Variants in MRPL52 observed in about 807,000 individuals in gnomAD.
The protein encoded by MRPL52 is large ribosomal subunit protein mL52.
A neutral mutation model predicts 22.1 loss-of-function variants in MRPL52; 19 were observed. That is an observed-to-expected ratio of 0.86 (90% CI 0.60 to 1.26). The LOEUF is 1.26. Among genes scored for constraint, MRPL52 ranks in the 50% most tolerant of loss-of-function variants. The probability of loss-of-function intolerance (pLI) is 0.00; values close to 1 mark genes in which losing one functional copy is unlikely to be tolerated. For synonymous variants in MRPL52, 50 were observed against 57.5 expected (o/e 0.87, Z 0.59); for missense variants, 152 against 148.1 (o/e 1.03, Z -0.14).
In MRPL52 at chr14:22,834,811, G is replaced by A; in HGVS notation, c.*490G>A. 1 of 151,698 alleles carries A rather than the reference G, an allele frequency of 6.6e-6. No individual in the cohort carries two copies. The highest frequency in any genetic ancestry group is 6.6e-5 in the Admixed American group (1 of 15,162). 9.4% of individuals were successfully genotyped at this position (151,698 alleles called of 1,614,324 possible). A position where few individuals can be genotyped will look rare whatever the true frequency, so the allele number is the denominator to read the frequency against. On this transcript the variant is annotated 3_prime_UTR_variant, in exon 5 of 5. Transcript: ENST00000397496. Reference sequence around the variant, plus strand: ...TGCAGTGAGCCAAGGTCACACCATTGCACTCCAACCTGGGCGACAGGGCGA... The same window carrying A: ...TGCAGTGAGCCAAGGTCACACCATTACACTCCAACCTGGGCGACAGGGCGA...
In MRPL52 at chr14:22,834,281, C is replaced by T; in HGVS notation, c.329C>T (p.Pro110Leu). The change falls in exon 5 of 5, where the codon CCC becomes CTC. Residue 110 changes from proline (P) to leucine (L), a missense_variant. Pro to Leu is a moderately conservative substitution (Grantham distance 98, BLOSUM62 -3). Transcript: ENST00000397496. Reference protein sequence around the residue: ...EQRKQENALKPKGASLKSPLP... With the variant: ...EQRKQENALKLKGASLKSPLP... ...AGGAAGCAGGAAAATGCTCTTAAAC[C>T]CAAAGGGGCTTCACTGAAGAGCCCA... The T allele has an allele frequency of 2.5e-6, 4 of 1,614,016 alleles. No homozygotes were observed. The highest frequency in any genetic ancestry group is 3.4e-6 in the Non-Finnish European group (4 of 1,180,000).
At position 22,834,047 on chromosome 14, in the gene MRPL52, C is replaced by T. The variant is rs142781875; in HGVS notation, c.220-125C>T. 168 of 1,071,858 alleles carry T rather than the reference C, an allele frequency of 1.6e-4. 1 individual carries two copies. In the Middle Eastern group the frequency reaches 2.0e-3, roughly 13 times the overall value. 66.4% of individuals were successfully genotyped at this position (1,071,858 alleles called of 1,614,324 possible). A position where few individuals can be genotyped will look rare whatever the true frequency, so the allele number is the denominator to read the frequency against. ...TCCCTCTGCTTCCCAAGCCAGAACTCGCTCCCACTGGGGAGTCAGCAGCGT... is the reference window on the plus strand; with the variant it reads ...TCCCTCTGCTTCCCAAGCCAGAACTTGCTCCCACTGGGGAGTCAGCAGCGT... On this transcript the variant is annotated intron_variant, in intron 4 of 4. Coordinates refer to ENST00000397496, the MANE Select transcript of MRPL52 (RefSeq NM_180982.3).
intron 3 of MRPL52, 177 bp downstream of exon 3, chr14:22,830,431 C>T: frequency 1.5e-6 from 1 of 653,492 alleles, no homozygotes; most frequent in East Asian, 2.7e-5. Context: ...TGCATTTCGA[C>T]TAAGGAAGGT....
At chr14:22,834,055 C>A (rs776793098) in intron 4 of MRPL52, 117 bp from the exon 5 acceptor site, 4 of 1,195,810 alleles carry the variant, frequency 3.3e-6, no homozygotes, top group Non-Finnish European at 3.5e-6. Context: ...CTCGCTCCCA[C>A]TGGGGAGTCA....
At chr14:22,833,628 T>C in intron 4 of MRPL52, 146 bp downstream of exon 4, 1 of 623,578 alleles carries the variant, frequency 1.6e-6, no homozygotes, top group Non-Finnish European at 2.8e-6. Flanking sequence ...TTTGTTTTTG[T>C]TTTTGTTTTT....
In MRPL52 at chr14:22,832,533, G is replaced by C. The variant is rs537155874; in HGVS notation, c.155-885G>C. 2.0e-4 allele frequency among the ~76,000 whole-genome samples: 30 copies of C among 151,932 alleles called. No homozygotes were observed. The South Asian group carries it at 6.0e-3, about 31-fold the overall frequency. ...TTTTTTGTATTTTTAGTAGAGACAG[G>C]GTTTCACCGTGTTAGCCAGGATGGT... On this transcript the variant is annotated intron_variant, in intron 3 of 4. Coordinates refer to ENST00000397496, the MANE Select transcript of MRPL52 (RefSeq NM_180982.3).
intron 3 of MRPL52, among the ~76,000 whole-genome samples, chr14:22,832,819 C>T (rs1398343152): frequency 2.6e-5 from 4 of 151,830 alleles, no homozygotes; most frequent in East Asian, 1.9e-4. Context: ...GCGGAAGTTG[C>T]GGTGAGCTGA....
At position 22,833,448 on chromosome 14, in the gene MRPL52, A is replaced by G; in HGVS notation, c.185A>G (p.Gln62Arg). 6.2e-7 allele frequency: 1 copy of G among 1,613,982 alleles called. No individual in the cohort carries two copies. The highest frequency in any genetic ancestry group is 8.5e-7 in the Non-Finnish European group (1 of 1,179,824). Residue 62 changes from glutamine (Q) to arginine (R), a missense_variant, in exon 4 of 5, where the codon CAG (glutamine) becomes CGG (arginine). By Grantham distance (43) the Gln-to-Arg change is conservative. Coordinates refer to ENST00000397496, the MANE Select transcript of MRPL52 (RefSeq NM_180982.3). ...CGCCCTGCTCCCCCAATGAAAGGCC[A>G]GCTTCGAAGAAAAGCTGAAAGGGAG... ...DGRPAPPMKGQLRRKAERETF... is the reference protein window; with the variant it reads ...DGRPAPPMKGRLRRKAERETF...
chr14:22,834,067 C>A, intron 4 of MRPL52, 105 bp from the exon 5 acceptor site: 1 of 1,315,724 alleles, frequency 7.6e-7, no homozygotes, highest in Non-Finnish European at 1.0e-6. Context: ...GGGGAGTCAG[C>A]AGCGTCATTT....
At position 22,830,289 on chromosome 14, in the gene MRPL52, A is replaced by C. The variant is rs376726875; in HGVS notation, c.154+35A>C. The C allele has an allele frequency of 5.3e-5, 85 of 1,611,620 alleles. 1 individual carries two copies. The highest frequency in any genetic ancestry group is 7.1e-5 in the Non-Finnish European group (84 of 1,177,924). ...GATCTGGCAGTTAACTCCACTGGGG[A>C]GATTTTCACCTAGAGGGAACGCCCC... On this transcript the variant is annotated intron_variant, in intron 3 of 4. Transcript: ENST00000397496.
chr14:22,833,613 T>C, intron 4 of MRPL52, 131 bp downstream of exon 4: 1 of 649,808 alleles, frequency 1.5e-6, no homozygotes. Context: ...CAGCCAAAGG[T>C]TTTTTTTGTT....
intron 3 of MRPL52, chr14:22,831,101 G>C: frequency 4.3e-6 from 1 of 231,122 alleles, no homozygotes; most frequent in Admixed American, 7.6e-5. Context: ...AATTACATAT[G>C]ACTGCTTTTT....
intron 3 of MRPL52, 178 bp from the exon 4 acceptor site, chr14:22,833,240 G>A (rs908465766): frequency 6.9e-6 from 4 of 583,414 alleles, no homozygotes; most frequent in Non-Finnish European, 1.2e-5. Context: ...CTTATTCTGG[G>A]TTATCGTACC....
At chr14:22,830,468 G>A (rs1404034085) in intron 3 of MRPL52, 4 of 594,748 alleles carry the variant, frequency 6.7e-6, no homozygotes, top group Non-Finnish European at 1.2e-5. Flanking sequence ...TTGGCTTGTG[G>A]AGATAAGCAG....
chr14:22,831,551 T>G (rs1302864185), intron 3 of MRPL52: 1 of 152,404 alleles, frequency 6.6e-6, no homozygotes, highest in East Asian at 1.9e-4. Flanking sequence ...AAGGATAAAA[T>G]GAAACAACCA....
rs757364045 is a variant in MRPL52, at chr14:22,830,250, T to C, written c.150T>C (p.Tyr50=). 6 of 1,614,246 alleles carry C rather than the reference T, an allele frequency of 3.7e-6. No individual in the cohort carries two copies. The highest frequency in any genetic ancestry group is 1.1e-5 in the South Asian group (1 of 91,082). ...TTACCGAGCTCCCAGACTGGTCATA[T>C]GCGGGTAAGCGCTGATCTGGCAGTT... The part of the protein sequence containing the change: ...GPLTELPDWS[Y]ADGRPAPPMK... The change falls in exon 3 of 5, where the codon TAT becomes TAC. Residue 50 remains tyrosine (Y), a synonymous_variant. Coordinates refer to ENST00000397496, the MANE Select transcript of MRPL52 (RefSeq NM_180982.3).
At chr14:22,830,787 C>G (rs2039590178) in intron 3 of MRPL52, 2 of 530,618 alleles carry the variant, frequency 3.8e-6, no homozygotes, top group Non-Finnish European at 6.6e-6. Flanking sequence ...GAAGTTGAAG[C>G]TACTCCCCAT....
chr14:22,833,714 C>T (rs188046007), intron 4 of MRPL52, among the ~76,000 whole-genome samples: 36 of 152,312 alleles, frequency 2.4e-4, no homozygotes, highest in African/African-American at 5.3e-4. Flanking sequence ...AACCTACTCC[C>T]GGGTTCAAGC....
rs766611799 is a variant in MRPL52, at chr14:22,830,128, G to A, written c.86+18G>A. 11 of 1,614,216 alleles carry A rather than the reference G, an allele frequency of 6.8e-6. No individual in the cohort carries two copies. Among genetic ancestry groups the A allele is most frequent in the Non-Finnish European group, 9.3e-6 (11 of 1,180,020 alleles). On this transcript the variant is annotated intron_variant, in intron 2 of 4. Transcript: ENST00000397496. Reference sequence around the variant, plus strand: ...CGACTACAGTGAGTCCTGGGATGAGGGCACCTGGGGGACCAGAAGCTGGGC... The same window carrying A: ...CGACTACAGTGAGTCCTGGGATGAGAGCACCTGGGGGACCAGAAGCTGGGC...
Sources: gnomAD v4.1 joint callset for allele counts (sites outside exome capture counted in the v4.1 genomes callset) on GRCh38, gnomAD v4.1.1 for gene constraint, MANE v1.5 for transcripts, NCBI Gene and HGNC (gene_info 2026-07-23, HGNC 2026-07-21) for gene names.